Variants in CNTN5 observed in about 807,000 individuals in gnomAD.
CNTN5 encodes contactin 5.
A neutral mutation model predicts 129.1 loss-of-function variants in CNTN5; 77 were observed. The ratio of observed to expected loss-of-function variants is 0.60; its 90% CI spans 0.50 to 0.72. The LOEUF is 0.72. Among genes scored for constraint, CNTN5 ranks in the 30% least tolerant of loss-of-function variants. CNTN5 has a pLI of 0.00. For missense variants in CNTN5, 1,478 were observed against 1,328.8 expected (o/e 1.11, Z -1.75); for synonymous variants, 509 against 465.6 (o/e 1.09, Z -1.20).
At chr11:100,099,836 C>T (rs1261434639) in intron 13 of CNTN5, among the ~76,000 whole-genome samples, 2 of 152,040 alleles carry the variant, frequency 1.3e-5, no homozygotes, top group Non-Finnish European at 2.9e-5. Flanking sequence ...CGTGTTATCT[C>T]ATTACAGTGT....
intron 7 of CNTN5, among the ~76,000 whole-genome samples, chr11:99,934,137 T>A (rs932377847): frequency 6.6e-6 from 1 of 152,236 alleles, no homozygotes; most frequent in Non-Finnish European, 1.5e-5. Context: ...GGGGACTTTA[T>A]AGCACATGTA....
At chr11:100,025,252 G>T (rs755753734) in intron 9 of CNTN5, among the ~76,000 whole-genome samples, 1 of 152,186 alleles carries the variant, frequency 6.6e-6, no homozygotes, top group Admixed American at 6.5e-5. Flanking sequence ...CCCAAGCCTT[G>T]GTGGCTTACA....
intron 8 of CNTN5, among the ~76,000 whole-genome samples, chr11:99,970,082 T>C (rs977148776): frequency 6.6e-6 from 1 of 152,204 alleles, no homozygotes; most frequent in Non-Finnish European, 1.5e-5. Context: ...TGATCACTTA[T>C]GCCATAGGTT....
chr11:100,183,306 G>A lies in CNTN5; in HGVS notation c.1581-7820G>A, dbSNP rs188198440. The stretch of plus-strand genomic sequence containing the variant: ...AGAAGACTTGTGCACAAATGTTCAT[G>A]GTATCTTTATTTTTTATAGCCCTAA... On this transcript the variant is annotated intron_variant, in intron 13 of 24. Coordinates refer to ENST00000524871, the MANE Select transcript of CNTN5 (RefSeq NM_014361.4). Among the ~76,000 whole-genome samples the A allele has an allele frequency of 4.3e-4, 65 of 152,146 alleles. 1 individual carries two copies. In the East Asian group the frequency reaches 0.012, roughly 27 times the overall value.
At chr11:99,624,830 T>C (rs1293411155) in intron 3 of CNTN5, among the ~76,000 whole-genome samples, 2 of 152,134 alleles carry the variant, frequency 1.3e-5, no homozygotes, top group Non-Finnish European at 2.9e-5. Flanking sequence ...CTTCTGCAAA[T>C]ACAGGCCATC....
At chr11:99,434,761 A>G (rs1205293267) in intron 2 of CNTN5, among the ~76,000 whole-genome samples, 1 of 152,166 alleles carries the variant, frequency 6.6e-6, no homozygotes, top group Non-Finnish European at 1.5e-5. Flanking sequence ...TTTCTGTATA[A>G]CAGGTGCCCA....
intron 3 of CNTN5, among the ~76,000 whole-genome samples, chr11:99,564,833 C>A (rs183585585): frequency 2.0e-5 from 3 of 152,224 alleles, no homozygotes; most frequent in Admixed American, 2.0e-4. Context: ...AGCAGCTTTC[C>A]TGATGGTTTT....
At chr11:99,147,023 A>T (rs559320338) in intron 1 of CNTN5, among the ~76,000 whole-genome samples, 1 of 152,176 alleles carries the variant, frequency 6.6e-6, no homozygotes, top group South Asian at 2.1e-4. Flanking sequence ...ATTAAGCACT[A>T]TATTGAGGAC....
chr11:99,563,741 C>T (rs967445599), intron 3 of CNTN5, among the ~76,000 whole-genome samples: 9 of 152,106 alleles, frequency 5.9e-5, no homozygotes, highest in Middle Eastern at 3.2e-3. Flanking sequence ...ATGACTTGGT[C>T]ATGTCTCTGA....
At chr11:99,405,047 C>G (rs1254932053) in intron 2 of CNTN5, among the ~76,000 whole-genome samples, 1 of 152,112 alleles carries the variant, frequency 6.6e-6, no homozygotes, top group African/African-American at 2.4e-5. Flanking sequence ...TGATGCCACT[C>G]TCTCCTAGCC....
At chr11:100,177,758 A>C (rs1031532249) in intron 13 of CNTN5, among the ~76,000 whole-genome samples, 1 of 152,152 alleles carries the variant, frequency 6.6e-6, no homozygotes, top group Non-Finnish European at 1.5e-5. Context: ...AGTTCTGTTC[A>C]GTGTTAAATT....
chr11:99,732,185 C>T (rs1417215744), intron 3 of CNTN5, among the ~76,000 whole-genome samples: 2 of 151,716 alleles, frequency 1.3e-5, no homozygotes, highest in African/African-American at 4.9e-5. Context: ...AGACGCAGAG[C>T]CAAGGAAAGA....
intron 3 of CNTN5, among the ~76,000 whole-genome samples, chr11:99,796,812 G>T (rs1176723183): frequency 6.6e-6 from 1 of 152,090 alleles, no homozygotes; most frequent in Non-Finnish European, 1.5e-5. Context: ...CAAATCCTCT[G>T]GGTGCTACAC....
chr11:99,959,763 T>A (rs1011060613), intron 8 of CNTN5, among the ~76,000 whole-genome samples: 2 of 152,036 alleles, frequency 1.3e-5, no homozygotes, highest in African/African-American at 4.8e-5. Context: ...TATTTTAAGG[T>A]TGACATTTAA....
At chr11:99,887,183 C>T (rs555627306) in intron 6 of CNTN5, among the ~76,000 whole-genome samples, 1 of 152,262 alleles carries the variant, frequency 6.6e-6, no homozygotes, top group East Asian at 1.9e-4. Context: ...TGCACTTTCT[C>T]TCATCCTGCT....
chr11:99,501,852 ATT>A (rs1224811993), intron 2 of CNTN5, among the ~76,000 whole-genome samples: 1 of 152,190 alleles, frequency 6.6e-6, no homozygotes, highest in Non-Finnish European at 1.5e-5. Flanking sequence ...TATTTTCAGT[ATT>A]TGATTTTAAA....
At chr11:100,103,297 G>T (rs549869810) in intron 13 of CNTN5, among the ~76,000 whole-genome samples, 9 of 152,168 alleles carry the variant, frequency 5.9e-5, no homozygotes, top group Non-Finnish European at 8.8e-5. Flanking sequence ...TGACATTTCA[G>T]TTGTTGCAAA....
chr11:99,401,636 G>A (rs576613015), intron 2 of CNTN5, among the ~76,000 whole-genome samples: 1 of 152,164 alleles, frequency 6.6e-6, no homozygotes, highest in South Asian at 2.1e-4. Flanking sequence ...GGGTGTTTTG[G>A]TAGGTACTGC....
At chr11:99,509,342 A>T (rs1254985651) in intron 2 of CNTN5, among the ~76,000 whole-genome samples, 1 of 152,212 alleles carries the variant, frequency 6.6e-6, no homozygotes, top group Admixed American at 6.5e-5. Flanking sequence ...TTCTCAAAAA[A>T]TTTGTAAACA....
Sources: gnomAD v4.1 joint callset for allele counts (sites outside exome capture counted in the v4.1 genomes callset) on GRCh38, gnomAD v4.1.1 for gene constraint, MANE v1.5 for transcripts, NCBI Gene and HGNC (gene_info 2026-07-23, HGNC 2026-07-21) for gene names.